Variants in CATSPERB observed in about 807,000 individuals in gnomAD.
CATSPERB encodes the protein cation channel sperm-associated auxiliary subunit beta.
In CATSPERB, 93 loss-of-function variants were observed where a neutral mutation model predicts 128.3. The observed-to-expected ratio is 0.72, with a 90% CI of 0.61 to 0.86. The LOEUF is 0.86. Ranked by LOEUF, CATSPERB falls within the 40% of genes least tolerant of loss-of-function variation. CATSPERB has a pLI of 0.00. For missense variants in CATSPERB, 1,153 were observed against 1,329.5 expected (o/e 0.87, Z 2.06); for synonymous variants, 381 against 448.8 (o/e 0.85, Z 1.91).
intron 15 of CATSPERB, among the ~76,000 whole-genome samples, chr14:91,639,616 C>T (rs1223318000): frequency 1.3e-5 from 2 of 152,202 alleles, no homozygotes; most frequent in Non-Finnish European, 2.9e-5. Context: ...GAAGGCAAGG[C>T]GAATCATCAG....
At chr14:91,626,359 CTTTTTTTTTTT>C (rs71120179) in intron 17 of CATSPERB, among the ~76,000 whole-genome samples, 1 of 76,836 alleles carries the variant, frequency 1.3e-5, no homozygotes, top group Non-Finnish European at 2.3e-5. Flanking sequence ...AGAGGTGGGA[CTTTTTTTTTTT>C]TTTTTTTTTT....
intron 17 of CATSPERB, among the ~76,000 whole-genome samples, chr14:91,627,541 G>T (rs1032653562): frequency 3.4e-4 from 52 of 152,312 alleles, no homozygotes; most frequent in African/African-American, 9.9e-4. Context: ...TTTTAGAGAA[G>T]TGACAAGACA....
intron 1 of CATSPERB, among the ~76,000 whole-genome samples, chr14:91,731,412 C>T (rs1173983018): frequency 6.6e-6 from 1 of 152,166 alleles, no homozygotes; most frequent in Non-Finnish European, 1.5e-5. Flanking sequence ...AAAACATAGA[C>T]TTTAGCCTAA....
chr14:91,628,513 C>T (rs1215284708), intron 17 of CATSPERB, among the ~76,000 whole-genome samples: 1 of 152,150 alleles, frequency 6.6e-6, no homozygotes, highest in African/African-American at 2.4e-5. Context: ...AGGGAGGGAC[C>T]TGGTGGGAGG....
chr14:91,662,896 A>G (rs2756165), intron 14 of CATSPERB, among the ~76,000 whole-genome samples: 29,580 of 151,936 alleles, frequency 0.19, 3,091 homozygotes, highest in African/African-American at 0.25. Context: ...TGTCTTTTTC[A>G]TATTGCTTTG....
intron 15 of CATSPERB, chr14:91,646,145 G>C (rs1297181626): frequency 6.4e-6 from 1 of 155,380 alleles, no homozygotes; most frequent in Non-Finnish European, 1.4e-5. Context: ...ACCTCAGATG[G>C]AAATGCAGAA....
At chr14:91,631,750 T>C (rs937702483) in intron 17 of CATSPERB, among the ~76,000 whole-genome samples, 1 of 152,094 alleles carries the variant, frequency 6.6e-6, no homozygotes, top group African/African-American at 2.4e-5. Context: ...GTAATATTTC[T>C]TCTGAGGTTT....
chr14:91,589,041 T>C (rs1893352562), intron 24 of CATSPERB, among the ~76,000 whole-genome samples: 1 of 152,242 alleles, frequency 6.6e-6, no homozygotes, highest in South Asian at 2.1e-4. Flanking sequence ...GTTACATATC[T>C]GAGGTAAAGT....
chr14:91,630,227 C>T (rs553350480), intron 17 of CATSPERB, among the ~76,000 whole-genome samples: 1 of 152,264 alleles, frequency 6.6e-6, no homozygotes, highest in East Asian at 1.9e-4. Flanking sequence ...GTTTTTTCTA[C>T]CTTACTGGCT....
At chr14:91,586,013 C>CTATG (rs1345549682) in intron 26 of CATSPERB, among the ~76,000 whole-genome samples, 1 of 152,206 alleles carries the variant, frequency 6.6e-6, no homozygotes, top group African/African-American at 2.4e-5. Flanking sequence ...CAAGCTGTTG[C>CTATG]TATGCTATTT....
At position 91,624,876 on chromosome 14, in the gene CATSPERB, C is replaced by T; in HGVS notation, c.1874G>A (p.Ser625Asn). 5 of 1,611,618 alleles carry T rather than the reference C, an allele frequency of 3.1e-6. No individual in the cohort carries two copies. Among genetic ancestry groups the T allele is most frequent in the Non-Finnish European group, 4.2e-6 (5 of 1,179,352 alleles). ...EEVNESSCLS[S>N]SLLINKAGNV... ...TCCAGCTTTATTAATCAAAAGGGAA[C>T]TAGACAAACAAGAGCTCTCATTCAC... The change falls in exon 18 of 27, where the codon AGT becomes AAT. Residue 625 changes from serine (S) to asparagine (N), a missense_variant. Transcript: ENST00000256343.
chr14:91,691,392 T>C (rs1895469754), intron 10 of CATSPERB, 131 bp downstream of exon 10: 1 of 441,732 alleles, frequency 2.3e-6, no homozygotes, highest in Non-Finnish European at 3.8e-6. Context: ...AAAATATATA[T>C]TTTGTTTAAA....
At chr14:91,632,448 T>C (rs545037970) in intron 17 of CATSPERB, among the ~76,000 whole-genome samples, 3 of 152,054 alleles carry the variant, frequency 2.0e-5, no homozygotes, top group Non-Finnish European at 4.4e-5. Context: ...GCCACGGTCA[T>C]GCAAAAAAGC....
chr14:91,587,951 C>T (rs760005876), intron 25 of CATSPERB, 27 bp downstream of exon 25: 33 of 1,415,584 alleles, frequency 2.3e-5, no homozygotes, highest in South Asian at 5.9e-5. Context: ...AAACTCAACA[C>T]AGTAAAAACA....
intron 15 of CATSPERB, among the ~76,000 whole-genome samples, chr14:91,641,425 G>GA (rs1894498150): frequency 6.6e-6 from 1 of 151,896 alleles, no homozygotes; most frequent in Non-Finnish European, 1.5e-5. Context: ...AAGGTGTAAG[G>GA]AAGGGATCCA....
intron 7 of CATSPERB, among the ~76,000 whole-genome samples, chr14:91,701,268 G>A (rs1895643244): frequency 6.6e-6 from 1 of 152,208 alleles, no homozygotes; most frequent in African/African-American, 2.4e-5. Context: ...TTTCAAACAA[G>A]AGGACAGGAG....
chr14:91,604,697 T>A, intron 22 of CATSPERB: 1 of 1,613,334 alleles, frequency 6.2e-7, no homozygotes, highest in Non-Finnish European at 8.5e-7. Context: ...CTGGGTCTGG[T>A]TGCTCCAGGT....
chr14:91,629,675 T>C (rs1894237897), intron 17 of CATSPERB, among the ~76,000 whole-genome samples: 1 of 152,184 alleles, frequency 6.6e-6, no homozygotes, highest in African/African-American at 2.4e-5. Flanking sequence ...AAAACTGTAA[T>C]TAATTTAAAA....
At chr14:91,653,453 A>G (rs1254697884) in intron 15 of CATSPERB, among the ~76,000 whole-genome samples, 1 of 152,188 alleles carries the variant, frequency 6.6e-6, no homozygotes, top group Non-Finnish European at 1.5e-5. Context: ...GTCCCTTTTC[A>G]TGCTGCTGAT....
Sources: allele counts gnomAD v4.1 joint callset (sites outside exome capture counted in the v4.1 genomes callset), GRCh38; gene constraint gnomAD v4.1.1; transcripts MANE v1.5; gene names NCBI Gene and HGNC (gene_info 2026-07-23, HGNC 2026-07-21).